SNTG1: variants seen among roughly 807,000 people sequenced by gnomAD.
The protein encoded by SNTG1 is gamma-1-syntrophin.
A neutral mutation model predicts 74.7 loss-of-function variants in SNTG1; 39 were observed. The ratio of observed to expected loss-of-function variants is 0.52; its 90% CI spans 0.40 to 0.68. The LOEUF is 0.68. SNTG1 is among the 30% of genes least tolerant of loss of function. The probability of loss-of-function intolerance (pLI) is 0.00; values close to 1 mark genes in which losing one functional copy is unlikely to be tolerated. For missense variants in SNTG1, 685 were observed against 609.5 expected (o/e 1.12, Z -1.30); for synonymous variants, 254 against 217.1 (o/e 1.17, Z -1.49).
intron 2 of SNTG1, among the ~76,000 whole-genome samples, chr8:50,308,914 G>GTATTTACTCT: frequency 6.6e-6 from 1 of 151,230 alleles, no homozygotes; most frequent in African/African-American, 2.4e-5. Context: ...TTTTTTAAAT[G>GTATTTACTCT]TTTCTATTCA....
chr8:50,501,611 A>ATT (rs57220646), intron 8 of SNTG1, among the ~76,000 whole-genome samples: 1 of 134,150 alleles, frequency 7.5e-6, no homozygotes, highest in Non-Finnish European at 1.7e-5. Context: ...ATTTTTTTTT[A>ATT]TTTTTTTTTT....
Position 50,395,506 on chromosome 8 carries a change from G to GGTTTTTTTTTTTTTTTTTTTTTTT in SNTG1, c.27+1241_27+1242insGTTTTTTTTTTTTTTTTTTTTTTT, listed in dbSNP as rs58030144. Among the ~76,000 whole-genome samples the GGTTTTTTTTTTTTTTTTTTTTTTT allele has an allele frequency of 1.5e-5, 2 of 135,656 alleles. 1 individual carries two copies. Among genetic ancestry groups the GGTTTTTTTTTTTTTTTTTTTTTTT allele is most frequent in the African/African-American group, 5.5e-5 (2 of 36,402 alleles). The allele number at this position is 135,656 out of a possible 152,430, so 89.0% of individuals were successfully genotyped here. ...TTTAAATTTTAATTGTCTAATTTCTGTTTTTTTTTTTTTTTTTAATGGAGT... is the reference window on the plus strand; with the variant it reads ...TTTAAATTTTAATTGTCTAATTTCTGGTTTTTTTTTTTTTTTTTTTTTTTTTTTTTTTTTTTTTTTTAATGGAGT... On this transcript the variant is annotated intron_variant, in intron 3 of 18. Transcript: ENST00000642720.
intron 12 of SNTG1, among the ~76,000 whole-genome samples, chr8:50,582,512 A>G (rs2094617046): frequency 6.6e-6 from 1 of 152,050 alleles, no homozygotes; most frequent in Admixed American, 6.6e-5. Flanking sequence ...ATTAAGCACA[A>G]TGTCACATTT....
chr8:50,074,174 G>A (rs1202593655), intron 1 of SNTG1, among the ~76,000 whole-genome samples: 1 of 152,036 alleles, frequency 6.6e-6, no homozygotes, highest in Non-Finnish European at 1.5e-5. Flanking sequence ...ACCTTAGCTA[G>A]ATCTTCTAGA....
intron 2 of SNTG1, among the ~76,000 whole-genome samples, chr8:50,292,614 T>A (rs1039280731): frequency 2.0e-5 from 3 of 152,060 alleles, no homozygotes; most frequent in African/African-American, 7.2e-5. Flanking sequence ...AGCAAAGGCA[T>A]GTGAAAGACA....
intron 9 of SNTG1, among the ~76,000 whole-genome samples, chr8:50,510,474 A>G (rs1283667933): frequency 1.3e-5 from 2 of 152,142 alleles, no homozygotes; most frequent in Non-Finnish European, 2.9e-5. Flanking sequence ...TGATTGGAAT[A>G]GTTTCAGAAG....
At chr8:50,103,759 T>A (rs561006712) in intron 1 of SNTG1, among the ~76,000 whole-genome samples, 73 of 152,324 alleles carry the variant, frequency 4.8e-4, no homozygotes, top group African/African-American at 1.7e-3. Context: ...TATTGAGAGT[T>A]TTTAGCATGA....
At chr8:50,353,815 A>G (rs1403031295) in intron 2 of SNTG1, among the ~76,000 whole-genome samples, 1 of 152,228 alleles carries the variant, frequency 6.6e-6, no homozygotes, top group Admixed American at 6.5e-5. Context: ...GAAAGAGTGA[A>G]GAATTGATCA....
intron 13 of SNTG1, among the ~76,000 whole-genome samples, chr8:50,623,158 C>T (rs1364924479): frequency 1.3e-5 from 2 of 152,032 alleles, no homozygotes; most frequent in Non-Finnish European, 1.5e-5. Context: ...AACTTAGACA[C>T]ATTTATTCTT....
chr8:50,266,260 A>T (rs2087460003), intron 2 of SNTG1, among the ~76,000 whole-genome samples: 1 of 152,130 alleles, frequency 6.6e-6, no homozygotes, highest in South Asian at 2.1e-4. Flanking sequence ...ATAGAATAGA[A>T]TTAAAATTCC....
At chr8:50,050,732 A>C (rs889470962) in intron 1 of SNTG1, among the ~76,000 whole-genome samples, 1 of 152,064 alleles carries the variant, frequency 6.6e-6, no homozygotes, top group African/African-American at 2.4e-5. Context: ...AATATATCAC[A>C]TGAAAAGAAA....
rs1193147570 is a variant in SNTG1 at position 49,998,963 on chromosome 8, A to T, written c.-103+86732A>T. On this transcript the variant is annotated intron_variant, in intron 1 of 18. Transcript: ENST00000642720. ...CTTCTATAGACTGGCAACACAGTCT[A>T]TAAAATGGATTTGTTGACATTCACT... Among the ~76,000 whole-genome samples the T allele has an allele frequency of 2.0e-5, 3 of 152,304 alleles. No individual in the cohort carries two copies. In the East Asian group the frequency reaches 5.8e-4, roughly 29 times the overall value.
chr8:50,689,965 G>T (rs1242880761), intron 15 of SNTG1, among the ~76,000 whole-genome samples: 1 of 152,082 alleles, frequency 6.6e-6, no homozygotes, highest in Non-Finnish European at 1.5e-5. Flanking sequence ...CTTCTTCCTG[G>T]TTTAGTCTTG....
intron 1 of SNTG1, among the ~76,000 whole-genome samples, chr8:49,914,156 C>A (rs1035281531): frequency 6.6e-6 from 1 of 151,958 alleles, no homozygotes; most frequent in African/African-American, 2.4e-5. Flanking sequence ...AGTAGATAGT[C>A]AAACAAACAA....
At chr8:50,072,534 T>C (rs1484584283) in intron 1 of SNTG1, among the ~76,000 whole-genome samples, 1 of 152,156 alleles carries the variant, frequency 6.6e-6, no homozygotes, top group African/African-American at 2.4e-5. Flanking sequence ...CTTTCATGAG[T>C]TAACTGCCTA....
chr8:49,931,932 G>C (rs574675014), intron 1 of SNTG1, among the ~76,000 whole-genome samples: 1 of 152,126 alleles, frequency 6.6e-6, no homozygotes, highest in Non-Finnish European at 1.5e-5. Flanking sequence ...AGATTCTGGC[G>C]ATATTCACTA....
At chr8:50,583,132 T>G (rs898243954) in intron 12 of SNTG1, among the ~76,000 whole-genome samples, 1 of 152,092 alleles carries the variant, frequency 6.6e-6, no homozygotes, top group African/African-American at 2.4e-5. Context: ...GCAGGCATGG[T>G]GGCTCATGCC....
intron 1 of SNTG1, among the ~76,000 whole-genome samples, chr8:50,113,837 C>G (rs2080704278): frequency 6.6e-6 from 1 of 151,840 alleles, no homozygotes; most frequent in African/African-American, 2.4e-5. Context: ...TGCAGCACAC[C>G]AACATGGCAC....
chr8:50,345,983 C>T (rs531283198), intron 2 of SNTG1, among the ~76,000 whole-genome samples: 23 of 152,222 alleles, frequency 1.5e-4, no homozygotes, highest in African/African-American at 4.8e-4. Flanking sequence ...TTATCTCTAT[C>T]GGTATTATGT....
Sources: gnomAD v4.1 joint callset for allele counts (sites outside exome capture counted in the v4.1 genomes callset) on GRCh38, gnomAD v4.1.1 for gene constraint, MANE v1.5 for transcripts, NCBI Gene and HGNC (gene_info 2026-07-23, HGNC 2026-07-21) for gene names.